The following ACSS3 variants were observed in gnomAD, a reference collection of about 807,000 sequenced individuals.
ACSS3 encodes the protein acyl-CoA synthetase short chain family member 3.
Under a neutral mutation model 84.2 loss-of-function variants are expected in ACSS3, and 64 were observed. The ratio of observed to expected loss-of-function variants is 0.76; its 90% confidence interval spans 0.62 to 0.94. The LOEUF is 0.94. Among genes scored for constraint, ACSS3 ranks in the 40% least tolerant of loss-of-function variants. ACSS3 has a pLI of 0.00. For synonymous variants in ACSS3, 317 were observed against 310.1 expected, an observed-to-expected ratio of 1.02 and a Z score of -0.23; for missense variants, 815 against 867.6, an observed-to-expected ratio of 0.94 and a Z score of 0.76.
intron 7 of ACSS3, 93 bp downstream of exon 7, chr12:81,152,189 G>T: frequency 3.1e-6 from 3 of 974,942 alleles, no homozygotes; most frequent in Admixed American, 2.4e-5. Context: ...AAAAATTGGG[G>T]TGGGGACAGG....
chr12:81,118,621 T>C (rs1884269936), intron 2 of ACSS3, among the ~76,000 whole-genome samples: 1 of 152,176 alleles, frequency 6.6e-6, no homozygotes, highest in Admixed American at 6.6e-5. Flanking sequence ...AAATATCAGA[T>C]CTTACATGTA....
At chr12:81,169,006 C>G (rs1005845656) in intron 7 of ACSS3, among the ~76,000 whole-genome samples, 5 of 152,178 alleles carry the variant, frequency 3.3e-5, no homozygotes, top group Non-Finnish European at 5.9e-5. Context: ...TAAAACACAA[C>G]AGTGCTCAGC....
intron 9 of ACSS3, among the ~76,000 whole-genome samples, chr12:81,204,582 C>G (rs1307742605): frequency 1.3e-5 from 2 of 152,082 alleles, no homozygotes; most frequent in Non-Finnish European, 2.9e-5. Context: ...TGCTATCACT[C>G]AGTTAATTCA....
rs772240581 is a variant in ACSS3, at chr12:81,233,441, T to C, written c.1689T>C (p.Gly563=). 1.9e-5 allele frequency: 31 copies of C among 1,610,928 alleles called. No homozygotes were observed. The highest frequency in any genetic ancestry group is 2.5e-5 in the Non-Finnish European group (30 of 1,177,958). Residue 563 remains glycine, a synonymous_variant, in exon 13 of 16, where the codon GGT becomes GGC. Coordinates refer to ENST00000548058, the MANE Select transcript of ACSS3 (RefSeq NM_024560.4). The part of the protein sequence containing the change: ...SRVDDVINVA[G]HRISAGAIEE... The stretch of plus-strand genomic sequence containing the variant: ...TGGATGATGTAATAAATGTTGCAGG[T>C]CACAGAATTTCTGCAGGCGCCATTG...
At chr12:81,143,572 T>G (rs996821747) in intron 5 of ACSS3, 3 of 157,316 alleles carry the variant, frequency 1.9e-5, no homozygotes, top group African/African-American at 7.2e-5. Context: ...GATGTTTAAT[T>G]GAATATCAGT....
intron 13 of ACSS3, among the ~76,000 whole-genome samples, chr12:81,247,762 T>G (rs1473941533): frequency 2.0e-5 from 3 of 152,118 alleles, no homozygotes. Flanking sequence ...AGCAAATTGA[T>G]TATTTCCTTC....
intron 7 of ACSS3, among the ~76,000 whole-genome samples, chr12:81,164,780 G>A (rs1186130470): frequency 1.3e-5 from 2 of 152,044 alleles, no homozygotes; most frequent in Non-Finnish European, 2.9e-5. Context: ...CAAGAATTTT[G>A]TATTTTTATT....
In ACSS3 at chr12:81,078,265, C is replaced by T. The variant is rs781674032; in HGVS notation, c.145C>T (p.Arg49Trp). 18 of 1,610,056 alleles carry T rather than the reference C, an allele frequency of 1.1e-5. No homozygotes were observed. Among genetic ancestry groups the T allele is most frequent in the Admixed American group, 5.0e-5 (3 of 59,860 alleles). ...VPGPRGGLGG[R>W]GCRALSSGSG... ...GGGCCCGCGGGGCGGTCTCGGGGGCCGGGGATGCAGGGCACTGTCCTCCGG... is the reference window on the plus strand; with the variant it reads ...GGGCCCGCGGGGCGGTCTCGGGGGCTGGGGATGCAGGGCACTGTCCTCCGG... Residue 49 changes from arginine to tryptophan, a missense_variant, in exon 1 of 16, where the codon CGG becomes TGG. Physicochemically the swap from Arg to Trp is moderately radical, Grantham distance 101 (BLOSUM62 -3). Coordinates refer to ENST00000548058, the MANE Select transcript of ACSS3 (RefSeq NM_024560.4).
At chr12:81,250,729 G>T (rs1479034933) in intron 13 of ACSS3, among the ~76,000 whole-genome samples, 1 of 152,050 alleles carries the variant, frequency 6.6e-6, no homozygotes, top group African/African-American at 2.4e-5. Context: ...GAGAGTCATG[G>T]CACCAATAAA....
intron 1 of ACSS3, among the ~76,000 whole-genome samples, chr12:81,081,320 G>T (rs573278622): frequency 6.6e-6 from 1 of 152,298 alleles, no homozygotes; most frequent in East Asian, 1.9e-4. Flanking sequence ...TTCCAGTCCT[G>T]TAATTTCTAA....
chr12:81,251,949 C>T (rs2034168108), intron 13 of ACSS3, among the ~76,000 whole-genome samples: 2 of 152,108 alleles, frequency 1.3e-5, no homozygotes, highest in South Asian at 4.1e-4. Context: ...CCCAGGAATG[C>T]TAAAATGAGT....
chr12:81,185,743 T>C (rs1430559061), intron 8 of ACSS3, among the ~76,000 whole-genome samples: 1 of 151,860 alleles, frequency 6.6e-6, no homozygotes, highest in Non-Finnish European at 1.5e-5. Context: ...CCATTGCTCA[T>C]GGATTGGAGG....
chr12:81,090,116 G>T (rs1881578409), intron 1 of ACSS3, among the ~76,000 whole-genome samples: 1 of 151,890 alleles, frequency 6.6e-6, no homozygotes, highest in African/African-American at 2.4e-5. Flanking sequence ...CTGTGTTTCT[G>T]TGTGTTTTCC....
chr12:81,088,842 A>C (rs150062247), intron 1 of ACSS3, among the ~76,000 whole-genome samples: 1 of 152,182 alleles, frequency 6.6e-6, no homozygotes, highest in Non-Finnish European at 1.5e-5. Flanking sequence ...TAGTGATATA[A>C]GAAGAGTTTT....
chr12:81,101,672 A>G (rs932960855), intron 1 of ACSS3, among the ~76,000 whole-genome samples: 1 of 152,092 alleles, frequency 6.6e-6, no homozygotes, highest in Non-Finnish European at 1.5e-5. Context: ...AGCCCTCCTA[A>G]GTTGCTGAAC....
chr12:81,078,269 G>T lies in ACSS3; in HGVS notation c.149G>T (p.Gly50Val), dbSNP rs964955813. The T allele has an allele frequency of 6.2e-7, 1 of 1,610,768 alleles. No individual in the cohort carries two copies. The highest frequency in any genetic ancestry group is 8.5e-7 in the Non-Finnish European group (1 of 1,179,804). The change falls in exon 1 of 16, where the codon GGA becomes GTA. Residue 50 changes from glycine (G) to valine (V), a missense_variant. Coordinates refer to ENST00000548058, the MANE Select transcript of ACSS3 (RefSeq NM_024560.4). Reference protein sequence around the residue: ...PGPRGGLGGRGCRALSSGSGS... With the variant: ...PGPRGGLGGRVCRALSSGSGS... ...CCGCGGGGCGGTCTCGGGGGCCGGG[G>T]ATGCAGGGCACTGTCCTCCGGCAGT...
chr12:81,252,160 A>G (rs979132985), intron 13 of ACSS3, among the ~76,000 whole-genome samples: 12 of 151,964 alleles, frequency 7.9e-5, no homozygotes, highest in African/African-American at 2.9e-4. Flanking sequence ...ACTCATTGTT[A>G]TTTCCTAAAG....
chr12:81,081,971 C>T (rs1263599691), intron 1 of ACSS3, among the ~76,000 whole-genome samples: 2 of 152,170 alleles, frequency 1.3e-5, no homozygotes, highest in Non-Finnish European at 2.9e-5. Context: ...CAATCATTCA[C>T]CCACTGCATG....
At chr12:81,178,314 T>C (rs1245923522) in intron 8 of ACSS3, among the ~76,000 whole-genome samples, 4 of 126,380 alleles carry the variant, frequency 3.2e-5, no homozygotes, top group Admixed American at 8.4e-5. Context: ...GGGACTGTTG[T>C]GGGATGGGGG....
Sources: gnomAD v4.1 joint callset for allele counts (sites outside exome capture counted in the v4.1 genomes callset) on GRCh38, gnomAD v4.1.1 for gene constraint, MANE v1.5 for transcripts, NCBI Gene and HGNC (gene_info 2026-07-23, HGNC 2026-07-21) for gene names.